Variants in ACTMAP observed in about 807,000 individuals in gnomAD.
ACTMAP encodes actin maturation protease.
the ACTMAP span, chr19:40,743,829 G>T: frequency 5.1e-6 from 8 of 1,559,774 alleles, no homozygotes; most frequent in Non-Finnish European, 7.1e-6. Context: ...AGCACAAGGG[G>T]TGAGAATGTC....
the ACTMAP span, among the ~76,000 whole-genome samples, chr19:40,746,929 C>G: frequency 2.3e-4 from 35 of 152,242 alleles, no homozygotes; most frequent in Middle Eastern, 6.8e-3. Flanking sequence ...GCTTCAGCCT[C>G]CCGAGTAGCT....
At chr19:40,745,892 G>A in the ACTMAP span, among the ~76,000 whole-genome samples, 1 of 152,130 alleles carries the variant, frequency 6.6e-6, no homozygotes, top group Non-Finnish European at 1.5e-5. Context: ...GGCTGGTCTC[G>A]AATTCCTGAC....
At chr19:40,746,249 C>T in the ACTMAP span, among the ~76,000 whole-genome samples, 1 of 152,040 alleles carries the variant, frequency 6.6e-6, no homozygotes, top group Non-Finnish European at 1.5e-5. Context: ...GACAGAGTTT[C>T]CCTCTTGTTG....
At chr19:40,742,709 C>T in the ACTMAP span, 319 of 1,612,502 alleles carry the variant, frequency 2.0e-4, no homozygotes, top group African/African-American at 3.1e-3. Context: ...GGAACAGGCC[C>T]GGCAGCTCAG....
chr19:40,749,845 G>C, the ACTMAP span: 1 of 1,334,764 alleles, frequency 7.5e-7, no homozygotes, highest in African/African-American at 1.5e-5. Context: ...AGAAAGCGGG[G>C]AGGGAAGGAT....
chr19:40,749,607 CCT>C, the ACTMAP span: 1 of 1,550,462 alleles, frequency 6.4e-7, no homozygotes, highest in Non-Finnish European at 8.7e-7. Flanking sequence ...GGGAGCAGGC[CCT>C]GTGGCAGCGG....
At chr19:40,743,761 C>T in the ACTMAP span, 1 of 1,012,960 alleles carries the variant, frequency 9.9e-7, no homozygotes, top group Non-Finnish European at 1.5e-6. Flanking sequence ...TGGCAGACAC[C>T]TGGGGCCCAG....
chr19:40,749,796 G>T, the ACTMAP span: 11 of 1,456,208 alleles, frequency 7.6e-6, no homozygotes, highest in South Asian at 1.5e-5. Flanking sequence ...AGAGCATGGA[G>T]AAGTCATTTT....
At chr19:40,746,673 C>T in the ACTMAP span, among the ~76,000 whole-genome samples, 1 of 152,122 alleles carries the variant, frequency 6.6e-6, no homozygotes, top group Non-Finnish European at 1.5e-5. Flanking sequence ...CTGCACCCGG[C>T]CCTTTTTTGT....
the ACTMAP span, chr19:40,741,083 C>T: frequency 2.6e-3 from 1,050 of 398,720 alleles, 4 homozygotes; most frequent in African/African-American, 0.018. Context: ...GGGGGATGCA[C>T]AGACAGGCTG....
chr19:40,742,838 T>A, the ACTMAP span: 4 of 1,440,732 alleles, frequency 2.8e-6, no homozygotes, highest in East Asian at 7.4e-5. Flanking sequence ...GCTCACTAAG[T>A]TCCGCCCTCT....
the ACTMAP span, chr19:40,749,645 G>A: frequency 3.9e-6 from 6 of 1,549,048 alleles, no homozygotes; most frequent in Admixed American, 8.0e-5. Context: ...GGAGCGGTGG[G>A]GGAACAGGGG....
the ACTMAP span, chr19:40,745,119 A>G: frequency 3.2e-6 from 5 of 1,551,768 alleles, no homozygotes; most frequent in African/African-American, 6.8e-5. Flanking sequence ...TTCCCGCATC[A>G]GGGCACATAC....
chr19:40,745,790 A>G, the ACTMAP span, among the ~76,000 whole-genome samples: 2 of 152,176 alleles, frequency 1.3e-5, no homozygotes, highest in Non-Finnish European at 2.9e-5. Context: ...CTCCTGCCTC[A>G]GCCTCCCGAG....
the ACTMAP span, chr19:40,744,062 G>A: frequency 1.2e-6 from 2 of 1,613,902 alleles, no homozygotes; most frequent in Non-Finnish European, 1.7e-6. Flanking sequence ...CAGGCCCTGG[G>A]ATACGGGATG....
At chr19:40,745,193 CG>C in the ACTMAP span, 1 of 1,551,768 alleles carries the variant, frequency 6.4e-7, no homozygotes, top group Non-Finnish European at 8.7e-7. Flanking sequence ...CAGGTCACCT[CG>C]GAACCTGAAG....
At chr19:40,745,518 A>G in the ACTMAP span, among the ~76,000 whole-genome samples, 3 of 151,796 alleles carry the variant, frequency 2.0e-5, no homozygotes, top group African/African-American at 7.3e-5. Context: ...TCTATCTCCA[A>G]CTCTTTTTCT....
the ACTMAP span, among the ~76,000 whole-genome samples, chr19:40,748,261 C>T: frequency 1.1e-4 from 16 of 151,734 alleles, 1 homozygote; most frequent in Admixed American, 7.9e-4. Flanking sequence ...GTTGGGAGTT[C>T]GAGACCAGCC....
chr19:40,749,435 TGTCTAGGGCAGA>T, the ACTMAP span: 2 of 1,351,698 alleles, frequency 1.5e-6, no homozygotes, highest in Non-Finnish European at 2.0e-6. Context: ...ATCTGTGAAG[TGTCTAGGGCAGA>T]GCCTGGGTGG....
Sources: allele counts gnomAD v4.1 joint callset (sites outside exome capture counted in the v4.1 genomes callset), GRCh38; gene constraint gnomAD v4.1.1; transcripts MANE v1.5; gene names NCBI Gene and HGNC (gene_info 2026-07-23, HGNC 2026-07-21).